CA8: variants seen among roughly 807,000 people sequenced by gnomAD.
CA8 encodes carbonic anhydrase 8 (inactive).
CA8 carries 22 observed loss-of-function variants against 41.4 expected under a neutral mutation model. The ratio of observed to expected loss-of-function variants is 0.53; its 90% CI spans 0.38 to 0.76. CA8 has a LOEUF of 0.76. Ranked by LOEUF, CA8 falls within the 30% of genes least tolerant of loss-of-function variation. The pLI is 0.00. For synonymous variants in CA8, 121 were observed against 130.6 expected, an observed-to-expected ratio of 0.93 and a Z score of 0.50; for missense variants, 270 against 352.8, an observed-to-expected ratio of 0.77 and a Z score of 1.88.
chr8:60,250,499 T>C lies in CA8; in HGVS notation c.417+15426A>G, dbSNP rs138340500. ...CTCGGTAAGCTCTCCACATTCTTCT[T>C]TCCCCACACTGGTTCTAACACCCGT... is the stretch of plus-strand genomic sequence containing the variant. On this transcript the variant is annotated intron_variant, in intron 3 of 8. Coordinates refer to ENST00000317995, the MANE Select transcript of CA8 (RefSeq NM_004056.6). Among the ~76,000 whole-genome samples, 1,229 of 152,294 alleles carry C rather than the reference T, an allele frequency of 8.1e-3. 16 individuals carry two copies. Among genetic ancestry groups the C allele is most frequent in the African/African-American group, 0.028 (1,158 of 41,578 alleles).
At chr8:60,218,732 T>C (rs1807118567) in intron 7 of CA8, among the ~76,000 whole-genome samples, 1 of 152,108 alleles carries the variant, frequency 6.6e-6, no homozygotes, top group South Asian at 2.1e-4. Context: ...CAAAAAAATG[T>C]GTATGTATCC....
chr8:60,207,205 A>G (rs878906377), intron 8 of CA8, among the ~76,000 whole-genome samples: 4 of 152,178 alleles, frequency 2.6e-5, no homozygotes, highest in Admixed American at 2.0e-4. Flanking sequence ...CCACTGCTCA[A>G]TCACTGTATT....
chr8:60,190,137 TTTG>T (rs1227662306), intron 8 of CA8, among the ~76,000 whole-genome samples, 152 bp from the exon 9 acceptor site: 1 of 151,882 alleles, frequency 6.6e-6, no homozygotes, highest in Non-Finnish European at 1.5e-5. Context: ...TGTGCTCAAG[TTTG>T]TTATCTCTGC....
At chr8:60,258,263 T>C (rs1803615253) in intron 3 of CA8, among the ~76,000 whole-genome samples, 1 of 152,230 alleles carries the variant, frequency 6.6e-6, no homozygotes, top group Non-Finnish European at 1.5e-5. Context: ...CATATTGTTA[T>C]AATTGTTCTG....
chr8:60,215,383 A>C (rs1262368160), intron 7 of CA8, among the ~76,000 whole-genome samples: 4 of 144,112 alleles, frequency 2.8e-5, no homozygotes, highest in African/African-American at 7.6e-5. Flanking sequence ...ACACACACAC[A>C]CCGGATCCCC....
intron 8 of CA8, among the ~76,000 whole-genome samples, chr8:60,204,506 T>C (rs1806522625): frequency 6.6e-6 from 1 of 152,220 alleles, no homozygotes; most frequent in Non-Finnish European, 1.5e-5. Flanking sequence ...GCACGAATTA[T>C]TTTCTTTGTT....
At chr8:60,197,210 T>G (rs1806305001) in intron 8 of CA8, among the ~76,000 whole-genome samples, 1 of 152,162 alleles carries the variant, frequency 6.6e-6, no homozygotes, top group African/African-American at 2.4e-5. Context: ...TCATCAAATT[T>G]TGGCATATAC....
chr8:60,216,233 T>C (rs1180098764), intron 7 of CA8, among the ~76,000 whole-genome samples: 1 of 152,232 alleles, frequency 6.6e-6, no homozygotes, highest in Admixed American at 6.5e-5. Context: ...CTCTGCTTCC[T>C]GTGAAATTCT....
chr8:60,255,208 G>A (rs1808584740), intron 3 of CA8, among the ~76,000 whole-genome samples: 1 of 152,068 alleles, frequency 6.6e-6, no homozygotes, highest in Non-Finnish European at 1.5e-5. Flanking sequence ...CTACTCTTAG[G>A]GAGCAGACTC....
chr8:60,240,192 G>C (rs1807973556), intron 3 of CA8, among the ~76,000 whole-genome samples: 1 of 152,190 alleles, frequency 6.6e-6, no homozygotes, highest in African/African-American at 2.4e-5. Context: ...TACTGTCAAG[G>C]AGATACTAGC....
intron 7 of CA8, among the ~76,000 whole-genome samples, chr8:60,219,942 A>AAAC (rs1166154086): frequency 2.1e-4 from 28 of 133,628 alleles, no homozygotes; most frequent in East Asian, 4.1e-4. Context: ...AAAAAAAAAA[A>AAAC]AAAAAAAAAA....
At position 60,195,337 on chromosome 8, in the gene CA8, C is replaced by T. The variant is rs528580935; in HGVS notation, c.*36-5352G>A. ...GAGGCCCAAGGGAATGAGTGCAAAG[C>T]AAATCACTACTGGAGAATTTCCTGA... On this transcript the variant is annotated intron_variant, in intron 8 of 8. Transcript: ENST00000317995. 2.3e-4 allele frequency among the ~76,000 whole-genome samples: 35 copies of T among 152,262 alleles called. No individual in the cohort carries two copies. In the South Asian group the frequency reaches 6.6e-3, roughly 29 times the overall value.
At chr8:60,257,252 A>G (rs1808671523) in intron 3 of CA8, among the ~76,000 whole-genome samples, 1 of 152,186 alleles carries the variant, frequency 6.6e-6, no homozygotes, top group South Asian at 2.1e-4. Flanking sequence ...TGCTGGGATT[A>G]AAAGCGTGAG....
At chr8:60,269,880 A>G (rs901672358) in intron 2 of CA8, among the ~76,000 whole-genome samples, 1 of 152,228 alleles carries the variant, frequency 6.6e-6, no homozygotes, top group Non-Finnish European at 1.5e-5. Context: ...CCAGCAACGG[A>G]CAAGCCAATA....
intron 3 of CA8, among the ~76,000 whole-genome samples, chr8:60,261,829 G>A (rs947586162): frequency 2.0e-5 from 3 of 151,914 alleles, no homozygotes; most frequent in Non-Finnish European, 2.9e-5. Flanking sequence ...CTCCTGCCTC[G>A]GCCTCCCAAG....
chr8:60,225,546 C>T (rs754262803), intron 5 of CA8, among the ~76,000 whole-genome samples: 3 of 152,164 alleles, frequency 2.0e-5, no homozygotes, highest in Non-Finnish European at 4.4e-5. Flanking sequence ...CTGGACTGGG[C>T]ATCCCTTGGA....
At chr8:60,235,010 G>A (rs557643808) in intron 3 of CA8, among the ~76,000 whole-genome samples, 1 of 152,304 alleles carries the variant, frequency 6.6e-6, no homozygotes, top group South Asian at 2.1e-4. Context: ...ACCTAGGTGC[G>A]TGGCTCACAG....
At chr8:60,274,355 G>A (rs768268905) in intron 2 of CA8, among the ~76,000 whole-genome samples, 7 of 152,164 alleles carry the variant, frequency 4.6e-5, no homozygotes, top group African/African-American at 7.2e-5. Context: ...AATGGGCGGC[G>A]GTAGGGGGGT....
At chr8:60,226,116 C>A (rs1368818319) in intron 5 of CA8, among the ~76,000 whole-genome samples, 1 of 152,046 alleles carries the variant, frequency 6.6e-6, no homozygotes, top group African/African-American at 2.4e-5. Flanking sequence ...AACATAAATA[C>A]TTTGAAATAT....
Sources: gnomAD v4.1 joint callset for allele counts (sites outside exome capture counted in the v4.1 genomes callset) on GRCh38, gnomAD v4.1.1 for gene constraint, MANE v1.5 for transcripts, NCBI Gene and HGNC (gene_info 2026-07-23, HGNC 2026-07-21) for gene names.